Variants in CCDC66 observed in about 807,000 individuals in gnomAD.
CCDC66 encodes coiled-coil domain-containing protein 66.
A neutral mutation model predicts 128.3 loss-of-function variants in CCDC66; 133 were observed. The observed-to-expected ratio is 1.04, with a 90% CI of 0.90 to 1.20. CCDC66 has a LOEUF of 1.20. Among genes scored for constraint, CCDC66 ranks in the 50% most tolerant of loss-of-function variants. CCDC66 has a pLI of 0.00. For synonymous variants in CCDC66, 387 were observed against 357.0 expected, an observed-to-expected ratio of 1.08 and a Z score of -0.95; for missense variants, 1,126 against 1,075.5, an observed-to-expected ratio of 1.05 and a Z score of -0.66.
At chr3:56,596,871 C>T (rs970930619) in intron 10 of CCDC66, among the ~76,000 whole-genome samples, 21 of 150,256 alleles carry the variant, frequency 1.4e-4, no homozygotes, top group Admixed American at 1.3e-3. Flanking sequence ...TCTCCCTGCT[C>T]AGCCTCCTGA....
chr3:56,589,245 CAA>C (rs2070395232), intron 7 of CCDC66, among the ~76,000 whole-genome samples: 1 of 152,092 alleles, frequency 6.6e-6, no homozygotes, highest in African/African-American at 2.4e-5. Flanking sequence ...AAAATTGACA[CAA>C]GAAGCAGTAA....
At chr3:56,567,086 A>T (rs1170402859) in intron 6 of CCDC66, 33 bp downstream of exon 6, 1 of 1,513,654 alleles carries the variant, frequency 6.6e-7, no homozygotes, top group Admixed American at 1.7e-5. Context: ...TTATAGTTTT[A>T]TTGGCTTAAA....
intron 7 of CCDC66, among the ~76,000 whole-genome samples, chr3:56,577,717 T>C (rs887055389): frequency 5.3e-5 from 8 of 151,862 alleles, no homozygotes; most frequent in African/African-American, 1.7e-4. Context: ...TTGTCAAAGA[T>C]CAGATGGTTG....
intron 10 of CCDC66, among the ~76,000 whole-genome samples, chr3:56,610,805 T>G (rs2074689563): frequency 6.6e-6 from 1 of 152,178 alleles, no homozygotes; most frequent in Non-Finnish European, 1.5e-5. Flanking sequence ...GGATGTTGCT[T>G]CCTGTGAGCC....
At chr3:56,615,062 TGA>T (rs2075314931) in intron 11 of CCDC66, 64 bp from the exon 12 acceptor site, 1 of 1,530,720 alleles carries the variant, frequency 6.5e-7, no homozygotes, top group Non-Finnish European at 8.9e-7. Context: ...AAATGTTTAC[TGA>T]GAGGAAATAG....
At chr3:56,587,394 A>G (rs2069982723) in intron 7 of CCDC66, among the ~76,000 whole-genome samples, 4 of 151,904 alleles carry the variant, frequency 2.6e-5, no homozygotes. Flanking sequence ...CAGACTATAC[A>G]GAAAGCATAG....
intron 10 of CCDC66, among the ~76,000 whole-genome samples, chr3:56,595,813 A>G (rs770100712): frequency 6.6e-6 from 1 of 152,332 alleles, no homozygotes; most frequent in East Asian, 1.9e-4. Context: ...ACTGTTTTCC[A>G]TAGTGACTGT....
intron 3 of CCDC66, among the ~76,000 whole-genome samples, chr3:56,560,457 A>G (rs982006966): frequency 6.6e-6 from 1 of 152,192 alleles, no homozygotes; most frequent in Non-Finnish European, 1.5e-5. Context: ...GAGGTTGGGC[A>G]TGGTGGCTCA....
At chr3:56,575,078 G>T (rs1437785563) in intron 7 of CCDC66, among the ~76,000 whole-genome samples, 1 of 151,842 alleles carries the variant, frequency 6.6e-6, no homozygotes, top group Non-Finnish European at 1.5e-5. Flanking sequence ...TTGCAGGATT[G>T]TGTGGTAATT....
chr3:56,615,882 TC>T, intron 12 of CCDC66, 39 bp from the exon 13 acceptor site: 2 of 1,526,522 alleles, frequency 1.3e-6, no homozygotes, highest in South Asian at 2.4e-5. Flanking sequence ...TTATTAATAT[TC>T]CTTAAGTGTT....
intron 2 of CCDC66, 46 bp from the exon 3 acceptor site, chr3:56,559,523 G>C: frequency 1.5e-6 from 2 of 1,325,996 alleles, no homozygotes; most frequent in Non-Finnish European, 2.1e-6. Flanking sequence ...TACCACCTTA[G>C]TATGCTTTTG....
intron 17 of CCDC66, 67 bp from the exon 18 acceptor site, chr3:56,621,465 G>A: frequency 9.3e-7 from 1 of 1,073,902 alleles, no homozygotes; most frequent in African/African-American, 1.6e-5. Context: ...TATAATTCTA[G>A]TTTAACACAA....
intron 7 of CCDC66, among the ~76,000 whole-genome samples, chr3:56,573,434 A>G (rs939949292): frequency 1.3e-5 from 2 of 152,228 alleles, no homozygotes; most frequent in African/African-American, 4.8e-5. Flanking sequence ...GGGGAAGGGA[A>G]CAGGAATTTA....
intron 6 of CCDC66, among the ~76,000 whole-genome samples, chr3:56,568,622 TC>T (rs2066210355): frequency 6.6e-6 from 1 of 152,224 alleles, no homozygotes; most frequent in Non-Finnish European, 1.5e-5. Context: ...TTCCTGGAAA[TC>T]CTTTTTTATA....
intron 7 of CCDC66, among the ~76,000 whole-genome samples, chr3:56,577,588 G>A (rs543231043): frequency 1.3e-5 from 2 of 151,918 alleles, no homozygotes; most frequent in East Asian, 3.9e-4. Flanking sequence ...GTTAATTTTT[G>A]TATAAGGTGT....
intron 10 of CCDC66, 108 bp from the exon 11 acceptor site, chr3:56,613,481 C>A: frequency 7.9e-7 from 1 of 1,264,854 alleles, no homozygotes; most frequent in Non-Finnish European, 1.1e-6. Context: ...ATTTTGGTTC[C>A]CCTCTGTGGA....
chr3:56,562,713 A>C (rs1477203048), intron 3 of CCDC66, among the ~76,000 whole-genome samples: 1 of 152,004 alleles, frequency 6.6e-6, no homozygotes, highest in East Asian at 1.9e-4. Flanking sequence ...ATCTCGGTTC[A>C]CTGCAACCTC....
At chr3:56,618,601 T>TA (rs1355992815) in intron 15 of CCDC66, 2 of 176,530 alleles carry the variant, frequency 1.1e-5, no homozygotes, top group Non-Finnish European at 2.4e-5. Context: ...TTAGAACCAT[T>TA]AGAATTTTTA....
chr3:56,574,598 C>T (rs935123353), intron 7 of CCDC66, among the ~76,000 whole-genome samples: 2 of 151,730 alleles, frequency 1.3e-5, no homozygotes, highest in Admixed American at 6.6e-5. Context: ...TAGGCAGTCA[C>T]CAAAGCCTTG....
Sources: allele counts gnomAD v4.1 joint callset (sites outside exome capture counted in the v4.1 genomes callset), GRCh38; gene constraint gnomAD v4.1.1; transcripts MANE v1.5; gene names NCBI Gene and HGNC (gene_info 2026-07-23, HGNC 2026-07-21).